The following CEP290 variants were observed in gnomAD, a reference collection of about 807,000 sequenced individuals.
The protein encoded by CEP290 is centrosomal protein 290.
Under a neutral mutation model 344.9 loss-of-function variants are expected in CEP290, and 317 were observed. That is an observed-to-expected ratio of 0.92 (90% CI 0.84 to 1.01). The LOEUF (loss-of-function observed/expected upper bound fraction) is 1.01. CEP290 is among the 50% of genes least tolerant of loss of function. The pLI, the probability that CEP290 is intolerant of heterozygous loss-of-function variation, is 0.00. For missense variants in CEP290, 2,754 were observed against 2,761.4 expected, an observed-to-expected ratio of 1.00 and a Z score of 0.06; for synonymous variants, 932 against 895.8, an observed-to-expected ratio of 1.04 and a Z score of -0.72.
At chr12:88,097,550 T>C (rs979152358) in intron 26 of CEP290, among the ~76,000 whole-genome samples, 3 of 151,512 alleles carry the variant, frequency 2.0e-5, no homozygotes, top group African/African-American at 7.3e-5. Flanking sequence ...TATTTCTTCA[T>C]AGCAGCATGA....
chr12:88,094,460 A>C (rs2037284576), intron 27 of CEP290, among the ~76,000 whole-genome samples: 2 of 152,126 alleles, frequency 1.3e-5, no homozygotes, highest in Admixed American at 6.5e-5. Context: ...ACCAAATATA[A>C]TCTTGTCTAA....
chr12:88,080,141 A>C (rs2036085480), intron 38 of CEP290, 41 bp downstream of exon 38: 1 of 1,312,444 alleles, frequency 7.6e-7, no homozygotes, highest in African/African-American at 1.5e-5. Flanking sequence ...AATCTACCAC[A>C]TATTTTTCCT....
chr12:88,086,738 T>TCCA (rs2036611239), intron 32 of CEP290, among the ~76,000 whole-genome samples: 1 of 152,190 alleles, frequency 6.6e-6, no homozygotes, highest in South Asian at 2.1e-4. Context: ...CATCCATCCG[T>TCCA]TCAGCTATAC....
chr12:88,062,296 A>G (rs988550029), intron 46 of CEP290, among the ~76,000 whole-genome samples: 2 of 152,136 alleles, frequency 1.3e-5, no homozygotes, highest in Non-Finnish European at 2.9e-5. Flanking sequence ...AAATTACAAG[A>G]ACACAAAAAA....
At chr12:88,131,859 A>C (rs371943060) in intron 6 of CEP290, among the ~76,000 whole-genome samples, 17 of 152,188 alleles carry the variant, frequency 1.1e-4, no homozygotes, top group African/African-American at 4.1e-4. Flanking sequence ...TTACTTTTCT[A>C]AGTCATAGCT....
chr12:88,072,152 A>T (rs779335014), intron 41 of CEP290, among the ~76,000 whole-genome samples: 8 of 152,174 alleles, frequency 5.3e-5, no homozygotes, highest in Non-Finnish European at 1.0e-4. Flanking sequence ...GAATATTTGC[A>T]TATACATAAT....
chr12:88,107,174 A>C (rs1002266415), intron 23 of CEP290, 76 bp from the exon 24 acceptor site: 44 of 935,290 alleles, frequency 4.7e-5, no homozygotes, highest in Non-Finnish European at 6.6e-5. Context: ...ACTTCAGATT[A>C]TGCAAATTTA....
intron 10 of CEP290, 110 bp from the exon 11 acceptor site, chr12:88,129,145 C>G (rs990798697): frequency 8.7e-6 from 3 of 344,280 alleles, no homozygotes; most frequent in Non-Finnish European, 1.4e-5. Flanking sequence ...CATACACACA[C>G]ATACGTATTC....
chr12:88,059,353 A>G (rs2034271295), intron 48 of CEP290, among the ~76,000 whole-genome samples: 1 of 152,164 alleles, frequency 6.6e-6, no homozygotes, highest in Non-Finnish European at 1.5e-5. Context: ...TGACTTCCTA[A>G]TGCTTACGAG....
At chr12:88,104,923 C>G (rs1464661861) in intron 25 of CEP290, among the ~76,000 whole-genome samples, 1 of 152,058 alleles carries the variant, frequency 6.6e-6, no homozygotes, top group South Asian at 2.1e-4. Context: ...AAATCCGATA[C>G]TATTTACTTA....
Position 88,084,789 on chromosome 12 carries a change from C to T in CEP290, c.4501G>A (p.Val1501Ile), listed in dbSNP as rs769989974. 3 of 1,612,818 alleles carry T rather than the reference C, an allele frequency of 1.9e-6. No homozygotes were observed. The highest frequency in any genetic ancestry group is 2.2e-5 in the East Asian group (1 of 44,848). Residue 1501 changes from valine (V) to isoleucine (I), a missense_variant, in exon 35 of 54, where the codon GTA (valine) becomes ATA (isoleucine). Coordinates refer to ENST00000552810, the MANE Select transcript of CEP290 (RefSeq NM_025114.4). ...AEQNILSRDKVINELRLRLPA... is the reference protein window; with the variant it reads ...AEQNILSRDKIINELRLRLPA... ...AATCGAAGCCTCAGTTCATTGATTA[C>T]TTTGTCTCTTGACAGTATATTTTGT...
rs1171934695 is a variant in CEP290 at position 88,107,162 on chromosome 12, T to A, written c.2484-64A>T. On this transcript the variant is annotated intron_variant, in intron 23 of 53. Transcript: ENST00000552810. ...CTAATAAAATGTTTATAAGAAAAGA[T>A]AACTTCAGATTATGCAAATTTAAAG... 2.9e-6 allele frequency: 3 copies of A among 1,020,084 alleles called. No individual in the cohort carries two copies. The African/African-American group carries it at 5.0e-5, about 17-fold the overall frequency. 63.2% of individuals were successfully genotyped at this position (1,020,084 alleles called of 1,614,324 possible). A position where few individuals can be genotyped will look rare whatever the true frequency, so the allele number is the denominator to read the frequency against.
chr12:88,084,935 G>A, intron 34 of CEP290, 83 bp from the exon 35 acceptor site: 1 of 1,138,506 alleles, frequency 8.8e-7, no homozygotes. Context: ...TTAGTTATTA[G>A]CCAAAAAAAA....
At chr12:88,140,641 A>T (rs1430413327) in intron 3 of CEP290, among the ~76,000 whole-genome samples, 5 of 152,168 alleles carry the variant, frequency 3.3e-5, no homozygotes, top group Non-Finnish European at 7.4e-5. Flanking sequence ...GACATCTCTT[A>T]AATCATTTCC....
intron 6 of CEP290, among the ~76,000 whole-genome samples, chr12:88,134,477 C>G (rs1193693447): frequency 7.2e-5 from 11 of 152,196 alleles, no homozygotes; most frequent in Admixed American, 7.2e-4. Context: ...GCTCAAAACT[C>G]TTCACTGGCT....
chr12:88,050,932 T>C (rs529508908), intron 52 of CEP290, among the ~76,000 whole-genome samples: 2 of 152,284 alleles, frequency 1.3e-5, no homozygotes, highest in South Asian at 4.1e-4. Context: ...GACATAGCCC[T>C]GATACTTTGG....
chr12:88,068,926 G>A (rs188748692), intron 43 of CEP290, among the ~76,000 whole-genome samples: 2 of 152,062 alleles, frequency 1.3e-5, no homozygotes, highest in East Asian at 3.9e-4. Flanking sequence ...TAAAGAACAT[G>A]CATCCATTTA....
At chr12:88,132,530 C>G (rs1339386048) in intron 6 of CEP290, among the ~76,000 whole-genome samples, 2 of 152,084 alleles carry the variant, frequency 1.3e-5, no homozygotes. Context: ...TTCAAACAGA[C>G]AAGCTGAAAT....
At chr12:88,101,740 C>T (rs2037906152) in intron 26 of CEP290, among the ~76,000 whole-genome samples, 1 of 151,426 alleles carries the variant, frequency 6.6e-6, no homozygotes, top group African/African-American at 2.4e-5. Flanking sequence ...CTCATTGATA[C>T]ATTATCCACA....
Sources: gnomAD v4.1 joint callset for allele counts (sites outside exome capture counted in the v4.1 genomes callset) on GRCh38, gnomAD v4.1.1 for gene constraint, MANE v1.5 for transcripts, NCBI Gene and HGNC (gene_info 2026-07-23, HGNC 2026-07-21) for gene names.